Variants in PTPRA observed in about 807,000 individuals in gnomAD.
PTPRA encodes the protein receptor-type tyrosine-protein phosphatase alpha.
A neutral mutation model predicts 104.8 loss-of-function variants in PTPRA; 25 were observed. That is an observed-to-expected ratio of 0.24 (90% CI 0.17 to 0.33). The LOEUF is 0.33. Ranked by LOEUF, PTPRA falls within the 10% of genes least tolerant of loss-of-function variation. PTPRA has a pLI of 1.00. For synonymous variants in PTPRA, 323 were observed against 368.9 expected (o/e 0.88, Z 1.43); for missense variants, 765 against 1,015.3 (o/e 0.75, Z 3.35).
chr20:2,910,577 A>G (rs2059670199), intron 1 of PTPRA, among the ~76,000 whole-genome samples: 1 of 38,378 alleles, frequency 2.6e-5, no homozygotes, highest in African/African-American at 1.1e-4. Flanking sequence ...ATGCCCAGCT[A>G]GTTTTTTTTT....
At chr20:3,006,037 T>A (rs1032308215) in intron 10 of PTPRA, among the ~76,000 whole-genome samples, 6 of 152,204 alleles carry the variant, frequency 3.9e-5, no homozygotes, top group African/African-American at 1.4e-4. Context: ...TTTTTTTAAT[T>A]TTTTGTAGAG....
At chr20:2,972,066 C>G (rs1030641666) in intron 5 of PTPRA, among the ~76,000 whole-genome samples, 3 of 152,004 alleles carry the variant, frequency 2.0e-5, no homozygotes, top group Non-Finnish European at 4.4e-5. Context: ...ACTCCTGACC[C>G]CATGATCCTG....
the PTPRA span, chr20:2,865,112 C>T: frequency 1.9e-6 from 3 of 1,614,150 alleles, no homozygotes; most frequent in Admixed American, 1.7e-5. This position sits in a 1 kb window ranked among gnomAD's most constrained non-coding sequence, Gnocchi z 5.2. Flanking sequence ...CTCCTGGTCC[C>T]TCATCCCCAT....
chr20:3,027,077 G>A, intron 18 of PTPRA, 44 bp from the exon 19 acceptor site: 1 of 1,592,258 alleles, frequency 6.3e-7, no homozygotes, highest in Non-Finnish European at 8.6e-7. Flanking sequence ...AGAGGGAGAG[G>A]ACAAATGATA....
At chr20:3,013,553 C>T (rs982604162) in intron 11 of PTPRA, among the ~76,000 whole-genome samples, 4 of 151,936 alleles carry the variant, frequency 2.6e-5, no homozygotes, top group African/African-American at 9.7e-5. Context: ...GCTGAGATTA[C>T]AGGCATGCAC....
rs1441543110 is a variant in PTPRA, at chr20:3,027,688, A to G, written c.1786-19A>G. ...GTGATTAAACCATCTCACCCTTGCA[A>G]TTAACCTGGCCTGTGCAGGGCTACC... On this transcript the variant is annotated intron_variant, in intron 19 of 23. Transcript: ENST00000399903. 6.2e-7 allele frequency: 1 copy of G among 1,612,190 alleles called. No individual in the cohort carries two copies.
chr20:2,911,010 C>G (rs1241278148), intron 1 of PTPRA, among the ~76,000 whole-genome samples: 1 of 150,894 alleles, frequency 6.6e-6, no homozygotes, highest in Non-Finnish European at 1.5e-5. Context: ...CCTGCCTCGG[C>G]TTCCCAAAAT....
intron 1 of PTPRA, among the ~76,000 whole-genome samples, chr20:2,880,373 T>C (rs1887297624): frequency 6.6e-6 from 1 of 152,242 alleles, no homozygotes; most frequent in Non-Finnish European, 1.5e-5. Flanking sequence ...TGTAGAACTT[T>C]GGGTGTCCTG....
At chr20:2,904,753 T>C (rs1294786809) in intron 1 of PTPRA, among the ~76,000 whole-genome samples, 2 of 150,070 alleles carry the variant, frequency 1.3e-5, no homozygotes, top group Non-Finnish European at 3.0e-5. Context: ...ATTTAGAATA[T>C]GAAAGTGTCA....
chr20:2,964,669 G>A lies in PTPRA; in HGVS notation c.74-192G>A, dbSNP rs1007146189. Among the ~76,000 whole-genome samples the A allele has an allele frequency of 5.9e-5, 9 of 152,232 alleles. No homozygotes were observed. The East Asian group carries it at 1.5e-3, about 26-fold the overall frequency. On this transcript the variant is annotated intron_variant, in intron 4 of 23. Transcript: ENST00000399903. The stretch of plus-strand genomic sequence containing the variant: ...ATCTTGTGTCTTTCTCCCTTAAACC[G>A]TAGTCCTTTGGAGGAGGTAGGAAAG...
At chr20:3,024,885 A>C (rs2065056561) in intron 17 of PTPRA, among the ~76,000 whole-genome samples, 1 of 101,554 alleles carries the variant, frequency 9.8e-6, no homozygotes, top group African/African-American at 4.4e-5. Flanking sequence ...ACACAGCAAG[A>C]GCAGTTTTTT....
At chr20:3,034,007 G>A (rs757607396) in intron 20 of PTPRA, among the ~76,000 whole-genome samples, 34 of 151,136 alleles carry the variant, frequency 2.2e-4, no homozygotes, top group Non-Finnish European at 2.7e-4. Flanking sequence ...GGTGGCTCAC[G>A]CCTGTGTAAT....
chr20:2,871,066 A>T (rs1459570979), upstream of PTPRA, among the ~76,000 whole-genome samples: 1 of 152,162 alleles, frequency 6.6e-6, no homozygotes, highest in Non-Finnish European at 1.5e-5. Flanking sequence ...CTTCCAATGG[A>T]AACAGCATCT....
At chr20:3,025,945 T>C (rs570369711) in intron 17 of PTPRA, among the ~76,000 whole-genome samples, 1 of 147,786 alleles carries the variant, frequency 6.8e-6, no homozygotes, top group East Asian at 2.2e-4. Context: ...CATTTCTTTT[T>C]TTCTTTTCTT....
At chr20:2,902,846 C>A (rs1340737958) in intron 1 of PTPRA, among the ~76,000 whole-genome samples, 1 of 152,080 alleles carries the variant, frequency 6.6e-6, no homozygotes, top group Non-Finnish European at 1.5e-5. Flanking sequence ...GAAGGTTTTT[C>A]AACTGGCCCG....
At chr20:2,873,139 T>C (rs1181240630), upstream of PTPRA, among the ~76,000 whole-genome samples, 1 of 152,180 alleles carries the variant, frequency 6.6e-6, no homozygotes. This position sits in a 1 kb window ranked among gnomAD's most constrained non-coding sequence, Gnocchi z 4.4. Context: ...CCCTGGTGGC[T>C]AGACATTGGT....
intron 5 of PTPRA, 88 bp from the exon 6 acceptor site, chr20:2,975,127 C>T (rs2062376067): frequency 8.4e-7 from 1 of 1,188,632 alleles, no homozygotes; most frequent in Non-Finnish European, 1.2e-6. Flanking sequence ...CATTCCTAAT[C>T]CTGGAGCTTG....
intron 1 of PTPRA, among the ~76,000 whole-genome samples, chr20:2,886,375 C>T (rs1449085209): frequency 1.3e-5 from 2 of 151,912 alleles, no homozygotes; most frequent in Admixed American, 1.3e-4. Flanking sequence ...GGATTACAGA[C>T]GAGACAAGAA....
chr20:2,969,782 T>C (rs1351389889), intron 5 of PTPRA, among the ~76,000 whole-genome samples: 1 of 150,374 alleles, frequency 6.7e-6, no homozygotes, highest in East Asian at 2.0e-4. Context: ...CTGGCTAACA[T>C]GGTGAAACCC....
Sources: gnomAD v4.1 joint callset for allele counts (sites outside exome capture counted in the v4.1 genomes callset) on GRCh38, gnomAD v4.1.1 for gene constraint, Gnocchi (gnomAD v3.1) non-coding constraint, MANE v1.5 for transcripts, NCBI Gene and HGNC (gene_info 2026-07-23, HGNC 2026-07-21) for gene names.